Variants in RBM33 observed in about 807,000 individuals in gnomAD.
The protein encoded by RBM33 is RNA-binding protein 33.
A neutral mutation model predicts 132.6 loss-of-function variants in RBM33; 28 were observed. The ratio of observed to expected loss-of-function variants is 0.21; its 90% CI spans 0.16 to 0.29. The LOEUF (loss-of-function observed/expected upper bound fraction) is 0.29. Among genes scored for constraint, RBM33 ranks in the 10% least tolerant of loss-of-function variants. The pLI, the probability that RBM33 is intolerant of heterozygous loss-of-function variation, is 1.00. For synonymous variants in RBM33, 634 were observed against 593.0 expected (o/e 1.07, Z -1.01); for missense variants, 1,291 against 1,518.5 (o/e 0.85, Z 2.49).
chr7:155,742,181 A>T, intron 13 of RBM33, 75 bp downstream of exon 13: 1 of 1,351,342 alleles, frequency 7.4e-7, no homozygotes, highest in Non-Finnish European at 9.9e-7. Flanking sequence ...GTCTTAGTTC[A>T]CTCTCACTAA....
At chr7:155,743,657 C>T (rs1298626888) in intron 13 of RBM33, among the ~76,000 whole-genome samples, 2 of 152,220 alleles carry the variant, frequency 1.3e-5, no homozygotes, top group Admixed American at 6.5e-5. Context: ...GACTTATTTT[C>T]GTATGTTCAC....
At chr7:155,682,568 G>A (rs552033016) in intron 5 of RBM33, among the ~76,000 whole-genome samples, 107 of 152,234 alleles carry the variant, frequency 7.0e-4, no homozygotes, top group African/African-American at 2.3e-3. Flanking sequence ...TTGGCTAATC[G>A]TCCTGGGTTC....
intron 1 of RBM33, among the ~76,000 whole-genome samples, chr7:155,656,447 G>C (rs1349469308): frequency 1.3e-5 from 2 of 152,190 alleles, no homozygotes; most frequent in Non-Finnish European, 2.9e-5. Context: ...GCCACTTTTT[G>C]ATTATTAGTG....
chr7:155,695,449 G>T (rs369710957), intron 5 of RBM33, among the ~76,000 whole-genome samples: 2 of 151,896 alleles, frequency 1.3e-5, no homozygotes, highest in South Asian at 4.1e-4. Flanking sequence ...TGAGTTTGTG[G>T]CTTGTGTTTT....
At chr7:155,769,624 G>A (rs771357058) in intron 16 of RBM33, among the ~76,000 whole-genome samples, 7 of 152,222 alleles carry the variant, frequency 4.6e-5, no homozygotes, top group South Asian at 2.1e-4. Flanking sequence ...TCATCTCGGC[G>A]TCTGACTGAC....
chr7:155,680,611 T>C lies in RBM33; in HGVS notation c.270T>C (p.Ser90=). ...CTAGTTCTCAGGGTGTTACAATTAG[T>C]CTGAATGCTACATCTGGCATGGTTA... ...ENFSSQGVTI[S]LNATSGMVTS... is the part of the protein sequence containing the mutation. The change falls in exon 5 of 18, where the codon AGT becomes AGC. Residue 90 remains serine, a synonymous_variant. Coordinates refer to ENST00000401878, the MANE Select transcript of RBM33 (RefSeq NM_053043.3). 1 of 1,600,664 alleles carries C rather than the reference T, an allele frequency of 6.2e-7. No individual in the cohort carries two copies. Among genetic ancestry groups the C allele is most frequent in the Non-Finnish European group, 8.5e-7 (1 of 1,175,006 alleles).
Position 155,774,673 on chromosome 7 carries a change from G to A in RBM33, c.3464+26G>A, listed in dbSNP as rs1456686159. On this transcript the variant is annotated intron_variant, in intron 17 of 17. Transcript: ENST00000401878. The surrounding 1 kb of genome is among the most constrained non-coding windows in gnomAD (Gnocchi z 4.2). ...GTGACCAGTGTGTTCTGTGCTTGTG[G>A]TGATAAGGGGGCGGGAGCAAGGCCC... is the stretch of plus-strand genomic sequence containing the variant. 10 of 1,588,806 alleles carry A rather than the reference G, an allele frequency of 6.3e-6. No homozygotes were observed. Among genetic ancestry groups the A allele is most frequent in the South Asian group, 1.1e-5 (1 of 90,550 alleles).
chr7:155,672,227 G>A (rs1798961528), intron 2 of RBM33, among the ~76,000 whole-genome samples: 1 of 151,924 alleles, frequency 6.6e-6, no homozygotes, highest in Admixed American at 6.6e-5. Flanking sequence ...TTAAAGATAG[G>A]AGAAAGCTTA....
intron 5 of RBM33, among the ~76,000 whole-genome samples, chr7:155,695,925 TATGTGCGCAC>T (rs1799781707): frequency 6.6e-6 from 1 of 152,002 alleles, no homozygotes. Context: ...TCTATCTCAA[TATGTGCGCAC>T]GTGTGTGTGT....
intron 2 of RBM33, among the ~76,000 whole-genome samples, chr7:155,668,847 A>G (rs148947596): frequency 1.3e-5 from 2 of 152,086 alleles, no homozygotes; most frequent in Non-Finnish European, 2.9e-5. Context: ...TGGTGGTTAC[A>G]TTGCCTGATA....
chr7:155,763,319 C>T (rs749381561), intron 14 of RBM33, among the ~76,000 whole-genome samples: 5 of 152,160 alleles, frequency 3.3e-5, no homozygotes, highest in East Asian at 1.9e-4. Context: ...TGGAAGGCGC[C>T]GTGATGGGTT....
intron 15 of RBM33, 81 bp from the exon 16 acceptor site, chr7:155,766,386 A>AT: frequency 6.9e-7 from 1 of 1,440,218 alleles, no homozygotes; most frequent in Non-Finnish European, 9.4e-7. Context: ...ATTCTAAGTT[A>AT]TTTGTTCACT....
intron 3 of RBM33, among the ~76,000 whole-genome samples, chr7:155,675,553 G>A (rs1799159797): frequency 6.6e-6 from 1 of 152,020 alleles, no homozygotes; most frequent in Admixed American, 6.5e-5. Context: ...CAAAAGAGGA[G>A]AGGGCAGTAT....
intron 6 of RBM33, chr7:155,701,184 T>A (rs199964112): frequency 3.6e-4 from 145 of 405,296 alleles, no homozygotes; most frequent in Middle Eastern, 2.4e-3. Flanking sequence ...TTAAAAAAAA[T>A]TTTTTTTTGA....
intron 9 of RBM33, among the ~76,000 whole-genome samples, chr7:155,724,370 C>T (rs928786898): frequency 6.6e-6 from 1 of 152,072 alleles, no homozygotes; most frequent in Non-Finnish European, 1.5e-5. Flanking sequence ...CTCTACTAAA[C>T]ATACAAAATT....
chr7:155,778,860 T>C lies in RBM33; in HGVS notation c.*3819T>C, dbSNP rs1398964159. ...TCAGACGCTTGTCGAAGGCAGGTCC[T>C]AGTCATGTAATTGCACAGGACAAGG... On this transcript the variant is annotated 3_prime_UTR_variant, in exon 18 of 18. Transcript: ENST00000401878. This position sits in a 1 kb window ranked among gnomAD's most constrained non-coding sequence, Gnocchi z 4.0. 1.3e-5 allele frequency: 2 copies of C among 153,078 alleles called. No individual in the cohort carries two copies. The highest frequency in any genetic ancestry group is 2.9e-5 in the Non-Finnish European group (2 of 68,050). The allele number at this position is 153,078 out of a possible 1,614,324, so 9.5% of individuals were successfully genotyped here.
At chr7:155,685,069 T>C in intron 5 of RBM33, 1 of 1,543,066 alleles carries the variant, frequency 6.5e-7, no homozygotes, top group Middle Eastern at 1.7e-4. Flanking sequence ...GTTCATCTTT[T>C]AAAAAGAGTA....
chr7:155,698,223 C>G (rs1321607054), intron 5 of RBM33, among the ~76,000 whole-genome samples: 3 of 152,134 alleles, frequency 2.0e-5, no homozygotes, highest in African/African-American at 7.2e-5. Flanking sequence ...AAAAATTAGC[C>G]TGGCGTGGTG....
At position 155,706,753 on chromosome 7, in the gene RBM33, A is replaced by G. The variant is rs1585465117; in HGVS notation, c.740-107A>G. 7.7e-6 allele frequency: 7 copies of G among 908,464 alleles called. No homozygotes were observed. In the East Asian group the frequency reaches 1.3e-4, roughly 17 times the overall value. The allele number at this position is 908,464 out of a possible 1,614,324, so 56.3% of individuals were successfully genotyped here. ...TGGGTGTTTCCTGCGGGTGAAGCAC[A>G]TGCTGTGGCAGAGTTTCATTGTCAC... On this transcript the variant is annotated intron_variant, in intron 6 of 17. Coordinates refer to ENST00000401878, the MANE Select transcript of RBM33 (RefSeq NM_053043.3).
Sources: allele counts gnomAD v4.1 joint callset (sites outside exome capture counted in the v4.1 genomes callset), GRCh38; gene constraint gnomAD v4.1.1; non-coding constraint Gnocchi (gnomAD v3.1); transcripts MANE v1.5; gene names NCBI Gene and HGNC (gene_info 2026-07-23, HGNC 2026-07-21).